SLC14A2: variants seen among roughly 807,000 people sequenced by gnomAD.
The protein encoded by SLC14A2 is solute carrier family 14 member 2, also known as urea transporter 2.
In SLC14A2, 91 loss-of-function variants were observed where a neutral mutation model predicts 104.6. The ratio of observed to expected loss-of-function variants is 0.87; its 90% CI spans 0.73 to 1.04. SLC14A2 has a LOEUF of 1.04. Ranked by LOEUF, SLC14A2 falls within the 50% of genes least tolerant of loss-of-function variation. The pLI, the probability that SLC14A2 is intolerant of heterozygous loss-of-function variation, is 0.00. For missense variants in SLC14A2, 1,189 were observed against 1,156.0 expected (o/e 1.03, Z -0.41); for synonymous variants, 476 against 466.4 (o/e 1.02, Z -0.27).
chr18:45,276,870 C>T (rs184363060), intron 1 of SLC14A2, among the ~76,000 whole-genome samples: 21 of 152,336 alleles, frequency 1.4e-4, no homozygotes, highest in African/African-American at 3.6e-4. Flanking sequence ...CTGGCTGCTT[C>T]GACCAGTGAT....
chr18:45,366,885 A>C (rs1295471238), intron 1 of SLC14A2, among the ~76,000 whole-genome samples: 1 of 152,206 alleles, frequency 6.6e-6, no homozygotes, highest in Non-Finnish European at 1.5e-5. Flanking sequence ...TAAAGGTAGG[A>C]TATCAGGCCA....
chr18:45,334,272 T>A (rs565249379), intron 1 of SLC14A2, among the ~76,000 whole-genome samples: 1 of 152,338 alleles, frequency 6.6e-6, no homozygotes, highest in Non-Finnish European at 1.5e-5. Flanking sequence ...GTCTATTGAA[T>A]GAGAATTTCC....
At chr18:45,183,532 T>C in the SLC14A2 span, among the ~76,000 whole-genome samples, 1 of 152,162 alleles carries the variant, frequency 6.6e-6, no homozygotes, top group Admixed American at 6.6e-5. Context: ...TCCAAAATAT[T>C]TCCCATTAGC....
At chr18:45,414,785 T>C (rs1471022944) in intron 1 of SLC14A2, among the ~76,000 whole-genome samples, 1 of 101,490 alleles carries the variant, frequency 9.9e-6, no homozygotes, top group Middle Eastern at 4.6e-3. Context: ...TATATATATA[T>C]ATATATATAT....
the SLC14A2 span, among the ~76,000 whole-genome samples, chr18:45,196,789 C>G: frequency 6.6e-6 from 1 of 152,344 alleles, no homozygotes; most frequent in Admixed American, 6.5e-5. Context: ...AACTGTGTTT[C>G]ATACCTGGAG....
In SLC14A2 at chr18:45,669,497, T is replaced by G; in HGVS notation, c.2228T>G (p.Leu743Trp). 1 of 1,612,558 alleles carries G rather than the reference T, an allele frequency of 6.2e-7. No homozygotes were observed. Among genetic ancestry groups the G allele is most frequent in the Non-Finnish European group, 8.5e-7 (1 of 1,178,904 alleles). ...NITWSEVQVP[L>W]LLRAIPVGIG... is the part of the protein sequence containing the mutation. The stretch of plus-strand genomic sequence containing the variant: ...ACCTGGTCAGAGGTCCAAGTGCCCT[T>G]GGTACGTATCATGGAAGGAGGAAGG... The change falls in exon 16 of 20, where the codon TTG becomes TGG. Residue 743 changes from leucine to tryptophan, a missense_variant and splice_region_variant. Transcript: ENST00000255226.
intron 1 of SLC14A2, among the ~76,000 whole-genome samples, chr18:45,375,231 G>A (rs751834501): frequency 3.1e-4 from 47 of 152,136 alleles, no homozygotes; most frequent in Non-Finnish European, 5.1e-4. Context: ...TGCCTTTGTA[G>A]GACTTACAAG....
intron 10 of SLC14A2, among the ~76,000 whole-genome samples, chr18:45,659,616 T>A (rs1484876): frequency 1.4e-4 from 21 of 152,126 alleles, no homozygotes; most frequent in Non-Finnish European, 1.0e-4. Flanking sequence ...AAACTTCCAC[T>A]CTTTTATCCA....
chr18:45,613,038 TTTTG>T (rs958610596), upstream of SLC14A2, among the ~76,000 whole-genome samples: 14 of 152,120 alleles, frequency 9.2e-5, no homozygotes, highest in African/African-American at 3.4e-4. Context: ...GGCAGTTTTT[TTTTG>T]TTGTTGTTTT....
intron 2 of SLC14A2, among the ~76,000 whole-genome samples, chr18:45,519,693 G>C (rs149442124): frequency 6.6e-6 from 1 of 152,152 alleles, no homozygotes; most frequent in Admixed American, 6.5e-5. Context: ...AATCAAAAAG[G>C]GGCTAAGCCA....
At position 45,341,620 on chromosome 18, in the gene SLC14A2, T is replaced by C. The variant is rs1024018510; in HGVS notation, c.-125+128429T>C. Among the ~76,000 whole-genome samples the C allele has an allele frequency of 3.4e-5, 5 of 148,682 alleles. No homozygotes were observed. The East Asian group carries it at 9.7e-4, about 29-fold the overall frequency. On this transcript the variant is annotated intron_variant, in intron 1 of 20. Coordinates refer to the SLC14A2 transcript ENST00000586448. ...CTTTTTTTTTTTTTTTTTTTTTTTT[T>C]TTGAGATGGACTTTTACTTGGCCAC... is the stretch of plus-strand genomic sequence containing the variant.
At chr18:45,223,508 T>C (rs1370908877) in intron 1 of SLC14A2, among the ~76,000 whole-genome samples, 1 of 152,210 alleles carries the variant, frequency 6.6e-6, no homozygotes. Context: ...TCTCTACTAA[T>C]GGATAGTCAG....
intron 1 of SLC14A2, among the ~76,000 whole-genome samples, chr18:45,443,551 T>C (rs2086715447): frequency 6.6e-6 from 1 of 151,958 alleles, no homozygotes; most frequent in South Asian, 2.1e-4. Context: ...TTGATGGCCA[T>C]CTTGATTTAC....
At chr18:45,261,171 A>G (rs1599622488) in intron 1 of SLC14A2, among the ~76,000 whole-genome samples, 1 of 148,744 alleles carries the variant, frequency 6.7e-6, no homozygotes, top group Non-Finnish European at 1.5e-5. Flanking sequence ...CCCTGCCCCC[A>G]CCCCACAACA....
chr18:45,572,247 A>G (rs2044358313), intron 2 of SLC14A2, among the ~76,000 whole-genome samples: 1 of 152,226 alleles, frequency 6.6e-6, no homozygotes, highest in Non-Finnish European at 1.5e-5. Flanking sequence ...TCAAGGGTTC[A>G]GAACTACCTT....
upstream of SLC14A2, among the ~76,000 whole-genome samples, chr18:45,210,582 A>G (rs536210364): frequency 4.3e-4 from 66 of 152,336 alleles, no homozygotes; most frequent in Non-Finnish European, 7.8e-4. Context: ...GTTTTGAAAG[A>G]AAGTAAAGCT....
At chr18:45,632,628 C>T in intron 5 of SLC14A2, 150 bp downstream of exon 5, 1 of 778,782 alleles carries the variant, frequency 1.3e-6, no homozygotes, top group Non-Finnish European at 2.1e-6. Flanking sequence ...CCCATGAGTT[C>T]TCTTGTAACA....
At chr18:45,361,730 C>A (rs866588234) in intron 1 of SLC14A2, among the ~76,000 whole-genome samples, 22 of 152,306 alleles carry the variant, frequency 1.4e-4, no homozygotes, top group African/African-American at 5.3e-4. Flanking sequence ...GGCTGCTCGG[C>A]TTCTCGGCTT....
intron 1 of SLC14A2, among the ~76,000 whole-genome samples, chr18:45,369,636 C>T (rs963076496): frequency 6.6e-5 from 10 of 152,146 alleles, no homozygotes; most frequent in Non-Finnish European, 1.5e-4. Context: ...ATAGTAAAAG[C>T]AAAGCTGTGA....
Sources: gnomAD v4.1 joint callset for allele counts (sites outside exome capture counted in the v4.1 genomes callset) on GRCh38, gnomAD v4.1.1 for gene constraint, MANE v1.5 for transcripts, NCBI Gene and HGNC (gene_info 2026-07-23, HGNC 2026-07-21) for gene names.